STK40: variants seen among roughly 807,000 people sequenced by gnomAD.
The protein encoded by STK40 is serine/threonine-protein kinase 40.
STK40 carries 13 observed loss-of-function variants against 47.9 expected under a neutral mutation model. The observed-to-expected ratio is 0.27, with a 90% confidence interval of 0.18 to 0.43. The LOEUF is 0.43. STK40 is among the 20% of genes least tolerant of loss of function. The probability of loss-of-function intolerance (pLI) is 1.00; values close to 1 mark genes in which losing one functional copy is unlikely to be tolerated. For synonymous variants in STK40, 225 were observed against 243.2 expected (o/e 0.93, Z 0.69); for missense variants, 460 against 595.1 (o/e 0.77, Z 2.36).
intron 1 of STK40, among the ~76,000 whole-genome samples, chr1:36,371,471 GT>G (rs1184437479): frequency 6.6e-6 from 1 of 150,788 alleles, no homozygotes; most frequent in Non-Finnish European, 1.5e-5. Context: ...GGAGAATGGC[GT>G]GAACCCAGGA....
intron 2 of STK40, 89 bp from the exon 3 acceptor site, chr1:36,358,911 A>G: frequency 7.0e-7 from 1 of 1,430,878 alleles, no homozygotes; most frequent in Non-Finnish European, 9.8e-7. Context: ...TAGACCTTCT[A>G]TTCAGGAGGG....
intron 6 of STK40, among the ~76,000 whole-genome samples, chr1:36,351,521 G>A (rs928387983): frequency 6.6e-6 from 1 of 152,164 alleles, no homozygotes; most frequent in Non-Finnish European, 1.5e-5. Context: ...TGCCACTCTG[G>A]AGCGCCCATG....
chr1:36,344,125 A>G lies in STK40; in HGVS notation c.879T>C (p.Ile293=), dbSNP rs56317061. Residue 293 remains isoleucine, a synonymous_variant, in exon 8 of 11, where the codon ATT becomes ATC. Coordinates refer to ENST00000373132, the MANE Select transcript of STK40 (RefSeq NM_001282547.2). ...CCCCGGGAGGCAGGACTCACTCAGG[A>G]ATGGTATACTCGGCAGCCTTGATCT... The part of the protein sequence containing the change: ...FRKIKAAEYT[I]PEDGRVSENT... 6,921 of 1,536,460 alleles carry G rather than the reference A, an allele frequency of 4.5e-3. 237 individuals are homozygous for G. In the African/African-American group the frequency reaches 0.082, roughly 18 times the overall value.
In STK40 at chr1:36,344,263, G is replaced by A. The variant is rs887287274; in HGVS notation, c.741C>T (p.Gly247=). 6.3e-7 allele frequency: 1 copy of A among 1,596,850 alleles called. No homozygotes were observed. Among genetic ancestry groups the A allele is most frequent in the Non-Finnish European group, 8.5e-7 (1 of 1,171,954 alleles). ...CACTGGGCTTGCCACGGTACGGCCG[G>A]CCTACGGGCACACACATACCACACT... ...PAYISPDVLS[G]RPYRGKPSDM... The change falls in exon 8 of 11, where the codon GGC becomes GGT. Residue 247 remains glycine, a splice_region_variant and synonymous_variant. Transcript: ENST00000373132.
intron 1 of STK40, among the ~76,000 whole-genome samples, chr1:36,366,663 A>G (rs1646904894): frequency 6.6e-6 from 1 of 152,030 alleles, no homozygotes; most frequent in East Asian, 1.9e-4. Context: ...GAGATCTGTG[A>G]TGATGCCCCA....
intron 1 of STK40, among the ~76,000 whole-genome samples, 166 bp from the exon 2 acceptor site, chr1:36,361,506 C>T (rs899208807): frequency 6.6e-6 from 1 of 152,250 alleles, no homozygotes; most frequent in African/African-American, 2.4e-5. Context: ...GACAAAGAAC[C>T]ACAGCTCCTT....
intron 7 of STK40, among the ~76,000 whole-genome samples, 154 bp downstream of exon 7, chr1:36,348,546 C>T (rs1646723813): frequency 2.6e-5 from 4 of 152,202 alleles, no homozygotes; most frequent in Admixed American, 2.6e-4. Context: ...TCCAACAGAC[C>T]AAACATTTTG....
intron 1 of STK40, among the ~76,000 whole-genome samples, chr1:36,378,834 T>C (rs1447604067): frequency 6.6e-6 from 1 of 152,146 alleles, no homozygotes; most frequent in African/African-American, 2.4e-5. Flanking sequence ...ACACACACTA[T>C]GAAACTTACC....
At chr1:36,367,827 C>A (rs1423536941) in intron 1 of STK40, 3 of 985,718 alleles carry the variant, frequency 3.0e-6, no homozygotes, top group Non-Finnish European at 3.6e-6. Flanking sequence ...CACATAGGAG[C>A]GCACACATGC....
At chr1:36,372,423 C>CA (rs796595993) in intron 1 of STK40, among the ~76,000 whole-genome samples, 2,942 of 38,352 alleles carry the variant, frequency 0.077, 96 homozygotes, top group African/African-American at 0.089. Flanking sequence ...GACCTTGTCT[C>CA]AAAAAAAAAA....
intron 6 of STK40, among the ~76,000 whole-genome samples, chr1:36,352,055 G>C (rs1646763643): frequency 6.6e-6 from 1 of 152,224 alleles, no homozygotes; most frequent in African/African-American, 2.4e-5. Flanking sequence ...GGAAGGGGCA[G>C]GACCCAATTT....
rs768014184 is a variant in STK40 at position 36,341,891 on chromosome 1, G to A, written c.1172C>T (p.Ser391Phe). 42 of 1,613,928 alleles carry A rather than the reference G, an allele frequency of 2.6e-5. No homozygotes were observed. The South Asian group carries it at 4.1e-4, about 16-fold the overall frequency. ...QQLLLAEEKS[S>F]IHDARSWVPK... ...TACCCAGCTCCGGGCGTCATGGATG[G>A]AGCTCTTCTCCTCGGCCAGCAGCAG... is the stretch of plus-strand genomic sequence containing the variant. The change falls in exon 11 of 11, where the codon TCC becomes TTC. Residue 391 changes from serine to phenylalanine, a missense_variant. Physicochemically the swap from Ser to Phe is radical, Grantham distance 155. Transcript: ENST00000373132.
At chr1:36,360,408 C>T (rs1056060175) in intron 2 of STK40, among the ~76,000 whole-genome samples, 1 of 152,144 alleles carries the variant, frequency 6.6e-6, no homozygotes, top group Non-Finnish European at 1.5e-5. Flanking sequence ...GATTTCTGTG[C>T]CAATTTAAAT....
intron 4 of STK40, among the ~76,000 whole-genome samples, chr1:36,357,052 A>G (rs1358217041): frequency 6.6e-6 from 1 of 152,156 alleles, no homozygotes; most frequent in African/African-American, 2.4e-5. Context: ...CCTTTGTTTT[A>G]TTTTAGGAAC....
chr1:36,346,276 G>A (rs1646702017), intron 7 of STK40, among the ~76,000 whole-genome samples: 1 of 152,052 alleles, frequency 6.6e-6, no homozygotes, highest in South Asian at 2.1e-4. Flanking sequence ...TTACAGGCAT[G>A]AGCCACCGCG....
At chr1:36,373,224 G>A (rs1238314642) in intron 1 of STK40, among the ~76,000 whole-genome samples, 1 of 152,144 alleles carries the variant, frequency 6.6e-6, no homozygotes, top group Non-Finnish European at 1.5e-5. Flanking sequence ...GTGTCACCAG[G>A]TCTTTGCTGG....
intron 5 of STK40, among the ~76,000 whole-genome samples, 199 bp downstream of exon 5, chr1:36,355,007 T>A (rs569122007): frequency 1.1e-4 from 16 of 152,250 alleles, no homozygotes; most frequent in African/African-American, 3.6e-4. Context: ...GGGCTGCAGG[T>A]CAGCCCTCAC....
intron 1 of STK40, among the ~76,000 whole-genome samples, chr1:36,366,412 T>A (rs991675846): frequency 6.6e-6 from 1 of 152,144 alleles, no homozygotes; most frequent in African/African-American, 2.4e-5. Flanking sequence ...CTGCCACCCC[T>A]TCATGCTACC....
At chr1:36,342,864 G>A (rs1395004783) in intron 10 of STK40, 6 of 338,866 alleles carry the variant, frequency 1.8e-5, no homozygotes, top group African/African-American at 1.1e-4. Flanking sequence ...GCTGTTGCTC[G>A]GCCAAGCCCT....
Sources: allele counts gnomAD v4.1 joint callset (sites outside exome capture counted in the v4.1 genomes callset), GRCh38; gene constraint gnomAD v4.1.1; transcripts MANE v1.5; gene names NCBI Gene and HGNC (gene_info 2026-07-23, HGNC 2026-07-21).